The following GRAMD1B variants were observed in gnomAD, a reference collection of about 807,000 sequenced individuals.
GRAMD1B encodes GRAM domain containing 1B, also known as protein Aster-B.
In GRAMD1B, 37 loss-of-function variants were observed where a neutral mutation model predicts 99.7. The observed-to-expected ratio is 0.37, with a 90% CI of 0.29 to 0.49. The LOEUF (loss-of-function observed/expected upper bound fraction) is 0.49. GRAMD1B is among the 20% of genes least tolerant of loss of function. The pLI, the probability that GRAMD1B is intolerant of heterozygous loss-of-function variation, is 0.98. For synonymous variants in GRAMD1B, 427 were observed against 387.6 expected, an observed-to-expected ratio of 1.10 and a Z score of -1.19; for missense variants, 888 against 1,009.2, an observed-to-expected ratio of 0.88 and a Z score of 1.63.
chr11:123,606,879 T>C (rs980326588), intron 11 of GRAMD1B, 81 bp downstream of exon 11: 3 of 1,095,064 alleles, frequency 2.7e-6, no homozygotes, highest in Non-Finnish European at 4.0e-6. Context: ...GGGACTGTAG[T>C]TAGTCTCTAG....
At chr11:123,531,539 C>T (rs991091316) in intron 2 of GRAMD1B, among the ~76,000 whole-genome samples, 12 of 152,152 alleles carry the variant, frequency 7.9e-5, no homozygotes, top group African/African-American at 2.7e-4. Context: ...GCTCGAAGCC[C>T]TTCCCTCCCG....
chr11:123,459,127 G>A (rs1470101711), intron 1 of GRAMD1B: 1 of 152,118 alleles, frequency 6.6e-6, no homozygotes, highest in African/African-American at 2.4e-5. Context: ...CATTGTAGAT[G>A]GGTTATAGTT....
chr11:123,455,857 A>T (rs969876150), intron 1 of GRAMD1B, among the ~76,000 whole-genome samples: 1 of 152,216 alleles, frequency 6.6e-6, no homozygotes, highest in Admixed American at 6.5e-5. Context: ...GTGGTTAGAA[A>T]ACAGCCTGGC....
intron 2 of GRAMD1B, among the ~76,000 whole-genome samples, chr11:123,518,102 C>T (rs758437220): frequency 1.3e-5 from 2 of 152,136 alleles, no homozygotes. Flanking sequence ...CTTCAGGCAA[C>T]GGCCCCTCTC....
intron 2 of GRAMD1B, among the ~76,000 whole-genome samples, chr11:123,569,204 CTGGGAACT>C (rs1947777015): frequency 1.3e-5 from 2 of 152,254 alleles, no homozygotes; most frequent in Non-Finnish European, 2.9e-5. Context: ...GTCAAATCTT[CTGGGAACT>C]TGGGACTGTG....
intron 2 of GRAMD1B, among the ~76,000 whole-genome samples, chr11:123,565,497 A>G (rs184441706): frequency 3.0e-4 from 45 of 152,370 alleles, no homozygotes; most frequent in African/African-American, 1.0e-3. Context: ...TTCTTGCTTA[A>G]TGACATTGAA....
intron 1 of GRAMD1B, among the ~76,000 whole-genome samples, chr11:123,389,114 G>A (rs1422394428): frequency 6.6e-6 from 1 of 152,144 alleles, no homozygotes; most frequent in Non-Finnish European, 1.5e-5. Flanking sequence ...ACCGGGCACG[G>A]TGGCTCACAC....
At chr11:123,619,076 C>A in intron 18 of GRAMD1B, 31 bp from the exon 19 acceptor site, 2 of 1,231,450 alleles carry the variant, frequency 1.6e-6, no homozygotes, top group Non-Finnish European at 2.3e-6. Flanking sequence ...ATAACTCCAG[C>A]TGCTGGGGTA....
At chr11:123,561,951 G>A (rs762347440) in intron 2 of GRAMD1B, among the ~76,000 whole-genome samples, 4 of 152,178 alleles carry the variant, frequency 2.6e-5, no homozygotes, top group African/African-American at 7.2e-5. Context: ...GGGGTGGGTA[G>A]GGAGTGGAGA....
chr11:123,449,106 G>A (rs564786997), intron 1 of GRAMD1B, among the ~76,000 whole-genome samples: 1 of 152,172 alleles, frequency 6.6e-6, no homozygotes, highest in East Asian at 1.9e-4. Context: ...CCACCGTAAG[G>A]CCTTTTCGTT....
intron 19 of GRAMD1B, chr11:123,619,432 A>C: frequency 7.3e-7 from 1 of 1,375,092 alleles, no homozygotes; most frequent in Non-Finnish European, 9.5e-7. Flanking sequence ...AAATAAGAAC[A>C]ATAAAATGAC....
chr11:123,429,615 C>T (rs973057356), upstream of GRAMD1B, among the ~76,000 whole-genome samples: 1 of 152,084 alleles, frequency 6.6e-6, no homozygotes, highest in African/African-American at 2.4e-5. This position sits in a 1 kb window ranked among gnomAD's most constrained non-coding sequence, Gnocchi z 4.0. Context: ...TTGCTAGGGA[C>T]GCGGCTATGG....
chr11:123,586,016 C>T (rs1222508467), intron 4 of GRAMD1B, among the ~76,000 whole-genome samples: 1 of 152,194 alleles, frequency 6.6e-6, no homozygotes, highest in Non-Finnish European at 1.5e-5. Flanking sequence ...TTTCCATTCT[C>T]CCGGCTAGGT....
In GRAMD1B at chr11:123,603,379, G is replaced by C. The variant is rs775338422; in HGVS notation, c.1051-47G>C. ...GGCTCAGTGCCTCTGTGCAGAGTCG[G>C]GGGACCTGAGGGAGCAAGGCTCAGT... On this transcript the variant is annotated intron_variant, in intron 8 of 19. Coordinates refer to ENST00000635736, the MANE Select transcript of GRAMD1B (RefSeq NM_001387025.1). 3 of 1,171,434 alleles carry C rather than the reference G, an allele frequency of 2.6e-6. No individual in the cohort carries two copies. In the Admixed American group the frequency reaches 5.2e-5, roughly 20 times the overall value. The allele number at this position is 1,171,434 out of a possible 1,614,324, so 72.6% of individuals were successfully genotyped here.
At chr11:123,467,290 C>T (rs1014996902) in intron 1 of GRAMD1B, among the ~76,000 whole-genome samples, 20 of 151,760 alleles carry the variant, frequency 1.3e-4, no homozygotes, top group Non-Finnish European at 2.8e-4. Flanking sequence ...TAAGATCAGC[C>T]TGGGCAACAT....
chr11:123,384,621 C>T (rs724738), intron 1 of GRAMD1B, among the ~76,000 whole-genome samples: 6,175 of 152,244 alleles, frequency 0.041, 159 homozygotes, highest in African/African-American at 0.061. Flanking sequence ...GTTTTATTCT[C>T]ACTACTGAAC....
Position 123,577,434 on chromosome 11 carries a change from C to G in GRAMD1B, c.520C>G (p.Pro174Ala). The change falls in exon 3 of 20, where the codon CCA becomes GCA. Residue 174 changes from proline to alanine, a missense_variant. By Grantham distance (27) the Pro-to-Ala change is conservative. This residue lies in a region of GRAMD1B where 233 missense variants were observed against 154.6 expected (regional missense o/e 1.51). Transcript: ENST00000635736. ...CATCCTCCGGAAGCGGTCTCGCTCGCCAACCCCGCAGAACCAGGACGGAGA... is the reference window on the plus strand; with the variant it reads ...CATCCTCCGGAAGCGGTCTCGCTCGGCAACCCCGCAGAACCAGGACGGAGA... ...SPILRKRSRSPTPQNQDGDTM... is the reference protein window; with the variant it reads ...SPILRKRSRSATPQNQDGDTM... 1 of 1,602,230 alleles carries G rather than the reference C, an allele frequency of 6.2e-7. No homozygotes were observed.
chr11:123,548,345 CACACAT>C, intron 2 of GRAMD1B, among the ~76,000 whole-genome samples: 1 of 116,092 alleles, frequency 8.6e-6, no homozygotes, highest in South Asian at 2.5e-4. Context: ...CACACACACA[CACACAT>C]ATATATATAT....
At chr11:123,486,570 C>A (rs2953197) in intron 2 of GRAMD1B, among the ~76,000 whole-genome samples, 54 of 146,814 alleles carry the variant, frequency 3.7e-4, no homozygotes, top group East Asian at 8.1e-4. Flanking sequence ...AAAAAAAAAA[C>A]AAAAAGAAAA....
Sources: allele counts gnomAD v4.1 joint callset (sites outside exome capture counted in the v4.1 genomes callset), GRCh38; gene constraint gnomAD v4.1.1; regional missense constraint gnomAD v4.1.1; non-coding constraint Gnocchi (gnomAD v3.1); transcripts MANE v1.5; gene names NCBI Gene and HGNC (gene_info 2026-07-23, HGNC 2026-07-21).